The following SYT17 variants were observed in gnomAD, a reference collection of about 807,000 sequenced individuals.
SYT17 encodes synaptotagmin-17.
In SYT17, 22 loss-of-function variants were observed where a neutral mutation model predicts 46.7. The observed-to-expected ratio is 0.47, with a 90% confidence interval of 0.34 to 0.67. The LOEUF is 0.67. Ranked by LOEUF, SYT17 falls within the 30% of genes least tolerant of loss-of-function variation. The pLI is 0.01. For synonymous variants in SYT17, 251 were observed against 248.4 expected (o/e 1.01, Z -0.10); for missense variants, 519 against 612.8 (o/e 0.85, Z 1.62).
intron 5 of SYT17, among the ~76,000 whole-genome samples, chr16:19,217,797 C>T (rs1966153195): frequency 1.3e-5 from 2 of 152,198 alleles, no homozygotes; most frequent in Admixed American, 1.3e-4. Context: ...ATACAGCGTT[C>T]TTGTTTACCA....
intron 7 of SYT17, among the ~76,000 whole-genome samples, chr16:19,258,306 T>C (rs532813884): frequency 6.6e-6 from 1 of 152,154 alleles, no homozygotes; most frequent in African/African-American, 2.4e-5. Flanking sequence ...GTCCCCAGGG[T>C]ACATCTGGCA....
chr16:19,168,568 T>C lies in SYT17; in HGVS notation c.-79T>C. On this transcript the variant is annotated 5_prime_UTR_variant, in exon 1 of 8. Coordinates refer to ENST00000355377, the MANE Select transcript of SYT17 (RefSeq NM_016524.4). The surrounding 1 kb of genome is among the most constrained non-coding windows in gnomAD (Gnocchi z 6.9). ...TTTCTTCCTTTCCCCCTTTGCTTTC[T>C]TCCCCCTCCGCTGTTGGCGAGGGCA... The C allele has an allele frequency of 6.5e-7, 1 of 1,538,646 alleles. No homozygotes were observed. Among genetic ancestry groups the C allele is most frequent in the Non-Finnish European group, 8.8e-7 (1 of 1,139,502 alleles).
At chr16:19,256,893 A>G (rs1968613936) in intron 7 of SYT17, among the ~76,000 whole-genome samples, 1 of 152,098 alleles carries the variant, frequency 6.6e-6, no homozygotes. Context: ...TTTTTGAGAT[A>G]AAGGAAGAAA....
chr16:19,181,140 G>T (rs1428889303), intron 4 of SYT17, among the ~76,000 whole-genome samples: 1 of 152,196 alleles, frequency 6.6e-6, no homozygotes, highest in Non-Finnish European at 1.5e-5. Flanking sequence ...AGAGATATTG[G>T]CAATCTGGGT....
intron 7 of SYT17, among the ~76,000 whole-genome samples, chr16:19,240,536 G>A (rs563575122): frequency 7.2e-5 from 11 of 152,202 alleles, no homozygotes; most frequent in African/African-American, 2.6e-4. Flanking sequence ...ATGGGCCTCA[G>A]AGGGGAGGAA....
chr16:19,253,160 G>A (rs1212779440), intron 7 of SYT17, among the ~76,000 whole-genome samples: 2 of 152,208 alleles, frequency 1.3e-5, no homozygotes. Context: ...TCAACATGCT[G>A]TTTGTGGCTG....
At position 19,221,999 on chromosome 16, in the gene SYT17, G is replaced by A. The variant is rs200360767; in HGVS notation, c.952-1046G>A. On this transcript the variant is annotated intron_variant, in intron 5 of 7. Coordinates refer to ENST00000355377, the MANE Select transcript of SYT17 (RefSeq NM_016524.4). ...TTGAAGCTGAATGATGTTTGGGTACGAAGATGGTGGGGTATACTCTTCTGT... is the reference window on the plus strand; with the variant it reads ...TTGAAGCTGAATGATGTTTGGGTACAAAGATGGTGGGGTATACTCTTCTGT... Among the ~76,000 whole-genome samples, 20 of 152,278 alleles carry A rather than the reference G, an allele frequency of 1.3e-4. No homozygotes were observed. The East Asian group carries it at 3.3e-3, about 25-fold the overall frequency.
chr16:19,169,440 G>A (rs1963998582), intron 1 of SYT17, among the ~76,000 whole-genome samples: 1 of 152,228 alleles, frequency 6.6e-6, no homozygotes, highest in Admixed American at 6.5e-5. Context: ...AGTGAGACCC[G>A]TTGAGCTGCT....
At chr16:19,242,602 G>T (rs1435514394) in intron 7 of SYT17, among the ~76,000 whole-genome samples, 1 of 152,116 alleles carries the variant, frequency 6.6e-6, no homozygotes, top group African/African-American at 2.4e-5. Flanking sequence ...TCAGCTCACT[G>T]CAGCCTCGAC....
chr16:19,263,846 G>A (rs1969171616), intron 7 of SYT17, among the ~76,000 whole-genome samples: 1 of 152,144 alleles, frequency 6.6e-6, no homozygotes, highest in Non-Finnish European at 1.5e-5. Context: ...CAGACAGATA[G>A]CAGATATGTG....
In SYT17 at chr16:19,220,303, C is replaced by CTTTTTTTTTTT. The variant is rs1555459738; in HGVS notation, c.952-2735_952-2725dup. 9.9e-3 allele frequency among the ~76,000 whole-genome samples: 798 copies of CTTTTTTTTTTT among 80,450 alleles called. 36 individuals carry two copies. The highest frequency in any genetic ancestry group is 0.025 in the African/African-American group (505 of 19,830). The allele number at this position is 80,450 out of a possible 152,430, so 52.8% of individuals were successfully genotyped here. The stretch of plus-strand genomic sequence containing the variant: ...TTCAATGACATTTCTTTCTTTCTTT[C>CTTTTTTTTTTT]TTTTTTTTTTTTTTTTTGAGATGAA... On this transcript the variant is annotated intron_variant, in intron 5 of 7. Coordinates refer to ENST00000355377, the MANE Select transcript of SYT17 (RefSeq NM_016524.4).
In SYT17 at chr16:19,173,479, G is replaced by C. The variant is rs761117193; in HGVS notation, c.83G>C (p.Arg28Pro). The change falls in exon 3 of 8, where the codon CGG becomes CCG. Residue 28 changes from arginine to proline, a missense_variant. Transcript: ENST00000355377. ...SGLLLCRWTC[R>P]HCCQKCYESS... ...CTGCTGCTGTGCAGATGGACCTGCCGGCACTGCTGTCAGAAGTGCTACGAG... is the reference window on the plus strand; with the variant it reads ...CTGCTGCTGTGCAGATGGACCTGCCCGCACTGCTGTCAGAAGTGCTACGAG... 6.4e-7 allele frequency: 1 copy of C among 1,561,968 alleles called. No individual in the cohort carries two copies. The highest frequency in any genetic ancestry group is 8.7e-7 in the Non-Finnish European group (1 of 1,147,370).
intron 5 of SYT17, among the ~76,000 whole-genome samples, chr16:19,212,108 G>A (rs62027731): frequency 0.059 from 8,929 of 152,190 alleles, 358 homozygotes; most frequent in Non-Finnish European, 0.084. Flanking sequence ...GACGATGTCT[G>A]GAGACATTCT....
intron 5 of SYT17, among the ~76,000 whole-genome samples, chr16:19,206,056 T>C (rs542786098): frequency 2.2e-4 from 33 of 152,208 alleles, no homozygotes; most frequent in Non-Finnish European, 4.4e-4. Flanking sequence ...CTAGAACTCA[T>C]AAAGAAAGTA....
chr16:19,248,848 TACTC>T (rs1447102103), intron 7 of SYT17, among the ~76,000 whole-genome samples: 4 of 151,430 alleles, frequency 2.6e-5, no homozygotes, highest in Non-Finnish European at 5.9e-5. Context: ...AAAAGAATAT[TACTC>T]AGCAGTAAAA....
At chr16:19,223,493 T>C (rs1345093612) in intron 6 of SYT17, among the ~76,000 whole-genome samples, 1 of 152,238 alleles carries the variant, frequency 6.6e-6, no homozygotes, top group Admixed American at 6.5e-5. Context: ...GGACACACCC[T>C]AAGGTTTTTC....
chr16:19,204,115 T>G (rs896594862), intron 5 of SYT17, among the ~76,000 whole-genome samples: 11 of 152,130 alleles, frequency 7.2e-5, no homozygotes, highest in African/African-American at 2.7e-4. Context: ...ATTCTCAGCT[T>G]TGGCACTCGT....
chr16:19,220,968 G>A lies in SYT17; in HGVS notation c.952-2077G>A, dbSNP rs891825265. ...ACAGTTTGGGAGGCTAAGGCAGGAG[G>A]ATCACTTGAGGCCAGGATTTCAAGA... On this transcript the variant is annotated intron_variant, in intron 5 of 7. Transcript: ENST00000355377. Among the ~76,000 whole-genome samples, 3 of 151,794 alleles carry A rather than the reference G, an allele frequency of 2.0e-5. No homozygotes were observed. The East Asian group carries it at 5.8e-4, about 29-fold the overall frequency.
At chr16:19,217,436 C>T (rs1269403733) in intron 5 of SYT17, among the ~76,000 whole-genome samples, 1 of 152,112 alleles carries the variant, frequency 6.6e-6, no homozygotes, top group African/African-American at 2.4e-5. Flanking sequence ...ATGGATTTAC[C>T]TATTCTGGAT....
Sources: allele counts gnomAD v4.1 joint callset (sites outside exome capture counted in the v4.1 genomes callset), GRCh38; gene constraint gnomAD v4.1.1; non-coding constraint Gnocchi (gnomAD v3.1); transcripts MANE v1.5; gene names NCBI Gene and HGNC (gene_info 2026-07-23, HGNC 2026-07-21).